PDILT: variants seen among roughly 807,000 people sequenced by gnomAD.
The protein encoded by PDILT is protein disulfide-isomerase-like protein of the testis.
Under a neutral mutation model 53.7 loss-of-function variants are expected in PDILT, and 43 were observed. That is an observed-to-expected ratio of 0.80 (90% CI 0.63 to 1.03). The LOEUF (loss-of-function observed/expected upper bound fraction) is 1.03, where lower values mean the gene tolerates loss of function less well. PDILT is among the 50% of genes least tolerant of loss of function. The pLI, the probability that PDILT is intolerant of heterozygous loss-of-function variation, is 0.00. For missense variants in PDILT, 727 were observed against 712.3 expected (o/e 1.02, Z -0.24); for synonymous variants, 282 against 274.2 (o/e 1.03, Z -0.28).
rs552815223 is a variant in PDILT at position 20,387,720 on chromosome 16, A to G, written c.203-2869T>C. Among the ~76,000 whole-genome samples, 20 of 151,860 alleles carry G rather than the reference A, an allele frequency of 1.3e-4. No individual in the cohort carries two copies. The South Asian group carries it at 4.0e-3, about 30-fold the overall frequency. ...ACTGCAACCTCCACCTCCCGGGTTC[A>G]AGTGATTCTCCTGCCTTGGCCTCCT... On this transcript the variant is annotated intron_variant, in intron 2 of 11. Transcript: ENST00000302451.
chr16:20,384,351 C>CCATGTAACAGAATTCTGGT (rs1187813327), intron 3 of PDILT, among the ~76,000 whole-genome samples: 2 of 152,120 alleles, frequency 1.3e-5, no homozygotes, highest in Non-Finnish European at 2.9e-5. Flanking sequence ...CTGGTTCTGG[C>CCATGTAACAGAATTCTGGT]CATGTAACAG....
At chr16:20,390,561 G>T (rs1966596155) in intron 2 of PDILT, 1 of 152,106 alleles carries the variant, frequency 6.6e-6, no homozygotes, top group African/African-American at 2.4e-5. Flanking sequence ...TTAACCGTAG[G>T]AAATACTATA....
intron 5 of PDILT, among the ~76,000 whole-genome samples, chr16:20,374,441 A>G (rs951101535): frequency 3.3e-5 from 5 of 152,112 alleles, no homozygotes; most frequent in Admixed American, 6.6e-5. Flanking sequence ...GGGCTTAGCC[A>G]TTTTGAGATG....
chr16:20,387,692 C>T (rs976073406), intron 2 of PDILT, among the ~76,000 whole-genome samples: 2 of 151,790 alleles, frequency 1.3e-5, no homozygotes, highest in African/African-American at 4.8e-5. Context: ...ACCATCTTGG[C>T]TTACTGCAAC....
chr16:20,372,972 C>T, intron 6 of PDILT, 40 bp downstream of exon 6: 1 of 1,613,534 alleles, frequency 6.2e-7, no homozygotes, highest in Non-Finnish European at 8.5e-7. Flanking sequence ...CACACAGTGG[C>T]CCCAGCTCCC....
At position 20,361,205 on chromosome 16, in the gene PDILT, T is replaced by TTTTTG. The variant is rs5816105; in HGVS notation, c.1417-549_1417-548insCAAAA. Among the ~76,000 whole-genome samples the TTTTTG allele has an allele frequency of 2.2e-4, 30 of 134,802 alleles. 6 individuals carry two copies. Among genetic ancestry groups the TTTTTG allele is most frequent in the Non-Finnish European group, 2.8e-4 (18 of 63,228 alleles). 88.4% of individuals were successfully genotyped at this position (134,802 alleles called of 152,430 possible). ...TCCCTTTCCTCTTTTTTTTTTTTTT[T>TTTTTG]ATATGGAATCTTGCTCTGTCACCAT... On this transcript the variant is annotated intron_variant, in intron 10 of 11. Transcript: ENST00000302451.
At position 20,384,738 on chromosome 16, in the gene PDILT, C is replaced by G. The variant is rs773495613; in HGVS notation, c.316G>C (p.Glu106Gln). The change falls in exon 3 of 12, where the codon GAG becomes CAG. Residue 106 changes from glutamate (E) to glutamine (Q), a missense_variant. Coordinates refer to ENST00000302451, the MANE Select transcript of PDILT (RefSeq NM_174924.2). ...IGFGKVDITI[E>Q]KELQQEFGIT... Reference sequence around the variant, plus strand: ...CCAAACTCCTGCTGAAGCTCCTTCTCTATGGTAATGTCCACTTTGCCAAAG... The same window carrying G: ...CCAAACTCCTGCTGAAGCTCCTTCTGTATGGTAATGTCCACTTTGCCAAAG... The G allele has an allele frequency of 5.6e-6, 9 of 1,614,230 alleles. No individual in the cohort carries two copies. Among genetic ancestry groups the G allele is most frequent in the South Asian group, 5.5e-5 (5 of 91,080 alleles).
At chr16:20,374,095 C>G (rs1966347147) in intron 5 of PDILT, among the ~76,000 whole-genome samples, 1 of 151,616 alleles carries the variant, frequency 6.6e-6, no homozygotes, top group African/African-American at 2.4e-5. Flanking sequence ...AAGAACTTGC[C>G]ACCATGCTTG....
chr16:20,384,294 T>G (rs971094202), intron 3 of PDILT, among the ~76,000 whole-genome samples: 2 of 152,238 alleles, frequency 1.3e-5, no homozygotes, highest in African/African-American at 4.8e-5. Context: ...AAACCCGTTT[T>G]CTTTCTAAAA....
Position 20,359,424 on chromosome 16 carries a change from C to T in PDILT, c.1650G>A (p.Glu550=). The change falls in exon 12 of 12, where the codon GAG becomes GAA. Residue 550 remains glutamate, a synonymous_variant. Coordinates refer to ENST00000302451, the MANE Select transcript of PDILT (RefSeq NM_174924.2). The part of the protein sequence containing the change: ...NMTKYVSKLE[E]PAGKKKTSEE... ...CAGATGTTTTCTTCTTCCCAGCGGG[C>T]TCTTCCAGCTTGGATACGTACTTGG... is the stretch of plus-strand genomic sequence containing the variant. The T allele has an allele frequency of 6.2e-7, 1 of 1,614,204 alleles. No individual in the cohort carries two copies.
intron 10 of PDILT, among the ~76,000 whole-genome samples, chr16:20,361,351 A>C (rs746297733): frequency 1.1e-4 from 17 of 151,836 alleles, no homozygotes; most frequent in African/African-American, 4.1e-4. Context: ...ACGACTGGCT[A>C]ATTTTATATT....
chr16:20,360,242 A>C (rs577833156), intron 11 of PDILT, among the ~76,000 whole-genome samples: 1 of 152,340 alleles, frequency 6.6e-6, no homozygotes, highest in South Asian at 2.1e-4. Context: ...CTGTGGTCCT[A>C]TGCATCAGGA....
chr16:20,385,577 A>G (rs1966523113), intron 2 of PDILT, among the ~76,000 whole-genome samples: 1 of 152,064 alleles, frequency 6.6e-6, no homozygotes, highest in Non-Finnish European at 1.5e-5. Flanking sequence ...GACATTGGAG[A>G]CTCAGATGCG....
intron 1 of PDILT, among the ~76,000 whole-genome samples, chr16:20,403,424 G>A (rs1349224112): frequency 6.6e-6 from 1 of 152,034 alleles, no homozygotes; most frequent in East Asian, 1.9e-4. Context: ...CTAGCAGCTG[G>A]GACTACAGGC....
chr16:20,386,434 A>C (rs1374104498), intron 2 of PDILT, among the ~76,000 whole-genome samples: 1 of 152,152 alleles, frequency 6.6e-6, no homozygotes, highest in Non-Finnish European at 1.5e-5. Flanking sequence ...CATCTGGAGC[A>C]CTTGGAGAAA....
intron 2 of PDILT, among the ~76,000 whole-genome samples, chr16:20,385,089 C>CAGA (rs1186071355): frequency 6.6e-6 from 1 of 152,202 alleles, no homozygotes; most frequent in Non-Finnish European, 1.5e-5. Flanking sequence ...CAACCATGGG[C>CAGA]AACTTTACTC....
At chr16:20,375,964 GA>G in intron 4 of PDILT, 103 bp downstream of exon 4, 1 of 1,428,200 alleles carries the variant, frequency 7.0e-7, no homozygotes, top group Non-Finnish European at 9.5e-7. Context: ...ATTGGATGGA[GA>G]AAATTGGGCA....
chr16:20,400,414 C>CTTT (rs11343462), intron 1 of PDILT, among the ~76,000 whole-genome samples: 21 of 130,090 alleles, frequency 1.6e-4, no homozygotes, highest in South Asian at 7.5e-4. Context: ...TCAGATGATA[C>CTTT]TTTTTTTTTT....
chr16:20,381,783 T>A (rs796948855), intron 3 of PDILT, among the ~76,000 whole-genome samples: 13 of 152,278 alleles, frequency 8.5e-5, no homozygotes, highest in African/African-American at 3.1e-4. Flanking sequence ...TTTCTCTGGT[T>A]AGAAGTAATA....
Sources: gnomAD v4.1 joint callset for allele counts (sites outside exome capture counted in the v4.1 genomes callset) on GRCh38, gnomAD v4.1.1 for gene constraint, MANE v1.5 for transcripts, NCBI Gene and HGNC (gene_info 2026-07-23, HGNC 2026-07-21) for gene names.